SNAPC3: variants seen among roughly 807,000 people sequenced by gnomAD.
SNAPC3 encodes snRNA-activating protein complex subunit 3.
Under a neutral mutation model 47.7 loss-of-function variants are expected in SNAPC3, and 56 were observed. The observed-to-expected ratio is 1.18, with a 90% CI of 0.95 to 1.47. The LOEUF is 1.47. SNAPC3 is among the 40% of genes most tolerant of loss of function. SNAPC3 has a pLI of 0.00. For missense variants in SNAPC3, 665 were observed against 511.3 expected (o/e 1.30, Z -2.90); for synonymous variants, 235 against 189.9 (o/e 1.24, Z -1.95).
At chr9:15,425,025 T>G (rs909483361) in intron 2 of SNAPC3, among the ~76,000 whole-genome samples, 1 of 152,222 alleles carries the variant, frequency 6.6e-6, no homozygotes, top group Non-Finnish European at 1.5e-5. Flanking sequence ...CAAGCCATTT[T>G]GCTTAAAAAT....
downstream of SNAPC3, chr9:15,462,559 T>C (rs990580010): frequency 1.5e-4 from 23 of 152,248 alleles, no homozygotes; most frequent in Non-Finnish European, 4.4e-5. Context: ...CTAATGAAGA[T>C]AGGCAACTGA....
At chr9:15,456,802 G>T (rs1459501698) in intron 7 of SNAPC3, among the ~76,000 whole-genome samples, 3 of 152,134 alleles carry the variant, frequency 2.0e-5, no homozygotes, top group Admixed American at 1.3e-4. Flanking sequence ...TTTATTAAGA[G>T]TATGCAATGT....
downstream of SNAPC3, chr9:15,463,603 T>C (rs962201097): frequency 2.0e-4 from 30 of 152,086 alleles, no homozygotes; most frequent in African/African-American, 7.0e-4. Flanking sequence ...ATTGAGCCAA[T>C]GAACAATTTC....
At chr9:15,450,879 A>G (rs1173811848) in intron 5 of SNAPC3, among the ~76,000 whole-genome samples, 4 of 152,208 alleles carry the variant, frequency 2.6e-5, no homozygotes, top group African/African-American at 9.6e-5. Context: ...TTGCTTGAGT[A>G]AAAATAGAAA....
At chr9:15,464,869 A>G (rs1260292573), downstream of SNAPC3, 1 of 210,642 alleles carries the variant, frequency 4.7e-6, no homozygotes, top group Non-Finnish European at 9.6e-6. Context: ...TTCAAAAATT[A>G]ATGTTTTATA....
In SNAPC3 at chr9:15,461,468, ACTTT is replaced by A. The variant is rs1257428655; in HGVS notation, c.*1607_*1610del. 1.2e-4 allele frequency: 19 copies of A among 152,276 alleles called. No individual in the cohort carries two copies. Among genetic ancestry groups the A allele is most frequent in the Admixed American group, 5.2e-4 (8 of 15,266 alleles). 9.4% of individuals were successfully genotyped at this position (152,276 alleles called of 1,614,324 possible). ...TGAACCACAGCGCCCAGCAAAATAA[ACTTT>A]CTTTATTTTCAGGTCTAGACCATCA... On this transcript the variant is annotated 3_prime_UTR_variant, in exon 9 of 9. Transcript: ENST00000380821.
At position 15,435,278 on chromosome 9, in the gene SNAPC3, A is replaced by G. The variant is rs149098097; in HGVS notation, c.477+1642A>G. Among the ~76,000 whole-genome samples the G allele has an allele frequency of 4.4e-4, 67 of 152,334 alleles. No individual in the cohort carries two copies. In the East Asian group the frequency reaches 0.012, roughly 28 times the overall value. Reference sequence around the variant, plus strand: ...ATTGGGTTGTTTATCCTGTTGAGTTATAAAGAGTTCTTGGCCGGGTGCCAT... The same window carrying G: ...ATTGGGTTGTTTATCCTGTTGAGTTGTAAAGAGTTCTTGGCCGGGTGCCAT... On this transcript the variant is annotated intron_variant, in intron 3 of 8. Coordinates refer to ENST00000380821, the MANE Select transcript of SNAPC3 (RefSeq NM_001039697.2).
rs2035087559 is a variant in SNAPC3 at position 15,460,042 on chromosome 9, AAC to A, written c.*178_*179del. The A allele has an allele frequency of 6.7e-6, 3 of 451,116 alleles. No homozygotes were observed. In the East Asian group the frequency reaches 1.0e-4, roughly 15 times the overall value. 27.9% of individuals were successfully genotyped at this position (451,116 alleles called of 1,614,324 possible). A position where few individuals can be genotyped will look rare whatever the true frequency, so the allele number is the denominator to read the frequency against. On this transcript the variant is annotated 3_prime_UTR_variant, in exon 9 of 9. Coordinates refer to ENST00000380821, the MANE Select transcript of SNAPC3 (RefSeq NM_001039697.2). ...ATAATGATAGTATTTAAATGTTTAT[AAC>A]ATAGTTTAATTTTATATTTATTCCA... is the stretch of plus-strand genomic sequence containing the variant.
At chr9:15,442,757 G>T (rs2033587261) in intron 3 of SNAPC3, among the ~76,000 whole-genome samples, 1 of 151,868 alleles carries the variant, frequency 6.6e-6, no homozygotes, top group Non-Finnish European at 1.5e-5. Context: ...CTCTTCACTT[G>T]CCAGACGGGG....
At chr9:15,451,217 T>G in intron 5 of SNAPC3, 103 bp from the exon 6 acceptor site, 1 of 456,254 alleles carries the variant, frequency 2.2e-6, no homozygotes, top group Non-Finnish European at 3.9e-6. Flanking sequence ...TTTTAACACA[T>G]ATTAGTGTGA....
chr9:15,455,602 T>C (rs2034720042), intron 7 of SNAPC3, among the ~76,000 whole-genome samples: 1 of 152,110 alleles, frequency 6.6e-6, no homozygotes. Flanking sequence ...TTCTGCCTGC[T>C]CTTCCTTTCA....
chr9:15,464,379 T>G, downstream of SNAPC3: 1 of 195,508 alleles, frequency 5.1e-6, no homozygotes, highest in Non-Finnish European at 1.1e-5. Context: ...TGCTGAGAAG[T>G]GCCAAATGAC....
At chr9:15,424,381 A>C (rs1356863464) in intron 2 of SNAPC3, among the ~76,000 whole-genome samples, 1 of 152,208 alleles carries the variant, frequency 6.6e-6, no homozygotes, top group Non-Finnish European at 1.5e-5. Context: ...GAGGTAATCT[A>C]CTTAGATCTG....
chr9:15,447,152 C>A lies in SNAPC3; in HGVS notation c.640C>A (p.Gln214Lys), dbSNP rs766017239. The A allele has an allele frequency of 8.7e-6, 14 of 1,613,730 alleles. 1 individual carries two copies. In the South Asian group the frequency reaches 1.5e-4, roughly 18 times the overall value. The change falls in exon 5 of 9, where the codon CAA becomes AAA. Residue 214 changes from glutamine to lysine, a missense_variant. Physicochemically the swap from Gln to Lys is moderately conservative, Grantham distance 53 (BLOSUM62 1). Coordinates refer to ENST00000380821, the MANE Select transcript of SNAPC3 (RefSeq NM_001039697.2). ...MLVLGSQKLT[Q>K]LRDSIRCVSD... Reference sequence around the variant, plus strand: ...GGTGTTGGGCAGTCAAAAACTCACACAACTGAGGGATTCAATTCGATGTGT... The same window carrying A: ...GGTGTTGGGCAGTCAAAAACTCACAAAACTGAGGGATTCAATTCGATGTGT...
In SNAPC3 at chr9:15,459,921, GTTACC is replaced by G. The variant is rs2031297831; in HGVS notation, c.*59_*63del. On this transcript the variant is annotated 3_prime_UTR_variant, in exon 9 of 9. Transcript: ENST00000380821. The stretch of plus-strand genomic sequence containing the variant: ...CATGAAATAACTGTTCTCTTGGATG[GTTACC>G]TTATTTCTAAGAAACGCCACTGAGG... The G allele has an allele frequency of 6.6e-7, 1 of 1,508,638 alleles. No individual in the cohort carries two copies. Among genetic ancestry groups the G allele is most frequent in the African/African-American group, 1.4e-5 (1 of 71,996 alleles). The allele number at this position is 1,508,638 out of a possible 1,614,324, so 93.5% of individuals were successfully genotyped here.
intron 3 of SNAPC3, among the ~76,000 whole-genome samples, chr9:15,443,647 C>T (rs1049414021): frequency 2.6e-5 from 4 of 152,174 alleles, no homozygotes; most frequent in African/African-American, 9.7e-5. Context: ...GAAGCTGCTG[C>T]CACCAAGAGG....
chr9:15,446,944 A>G (rs527688174), intron 4 of SNAPC3, 151 bp from the exon 5 acceptor site: 2 of 729,908 alleles, frequency 2.7e-6, no homozygotes, highest in African/African-American at 3.5e-5. Context: ...TTGGCCCTAT[A>G]ATTATTGGAT....
At chr9:15,446,681 G>C (rs2033956625) in intron 4 of SNAPC3, among the ~76,000 whole-genome samples, 2 of 152,204 alleles carry the variant, frequency 1.3e-5, no homozygotes, top group Non-Finnish European at 2.9e-5. Context: ...GGAAGGCATA[G>C]ACCACAGTTT....
chr9:15,433,764 C>T (rs1277827888), intron 3 of SNAPC3, 128 bp downstream of exon 3: 1 of 547,418 alleles, frequency 1.8e-6, no homozygotes, highest in Non-Finnish European at 3.2e-6. Context: ...ACTAGAGAAA[C>T]TCCTTTGAGT....
Sources: allele counts gnomAD v4.1 joint callset (sites outside exome capture counted in the v4.1 genomes callset), GRCh38; gene constraint gnomAD v4.1.1; transcripts MANE v1.5; gene names NCBI Gene and HGNC (gene_info 2026-07-23, HGNC 2026-07-21).